DMC1: variants seen among roughly 807,000 people sequenced by gnomAD.
DMC1 encodes DNA meiotic recombinase 1.
In DMC1, 27 loss-of-function variants were observed where a neutral mutation model predicts 50.1. The ratio of observed to expected loss-of-function variants is 0.54; its 90% CI spans 0.40 to 0.74. DMC1 has a LOEUF of 0.74. Ranked by LOEUF, DMC1 falls within the 30% of genes least tolerant of loss-of-function variation. The pLI is 0.00. For synonymous variants in DMC1, 148 were observed against 136.1 expected (o/e 1.09, Z -0.61); for missense variants, 295 against 420.2 (o/e 0.70, Z 2.60).
At chr22:38,530,448 A>T (rs765268477) in intron 12 of DMC1, among the ~76,000 whole-genome samples, 1 of 152,024 alleles carries the variant, frequency 6.6e-6, no homozygotes, top group African/African-American at 2.4e-5. Context: ...CATTTTAAAG[A>T]TGGAATTCTG....
intron 12 of DMC1, among the ~76,000 whole-genome samples, chr22:38,535,437 C>CACAT (rs2090200609): frequency 1.3e-5 from 2 of 151,854 alleles, no homozygotes; most frequent in Non-Finnish European, 2.9e-5. Flanking sequence ...CACACACACA[C>CACAT]ATACAGGAGA....
At position 38,519,079 on chromosome 22, in the gene DMC1, T is replaced by G. The variant is rs2089996445; in HGVS notation, c.*941A>C. 6.7e-6 allele frequency: 1 copy of G among 148,414 alleles called. No homozygotes were observed. Among genetic ancestry groups the G allele is most frequent in the South Asian group, 2.1e-4 (1 of 4,756 alleles). 9.2% of individuals were successfully genotyped at this position (148,414 alleles called of 1,614,324 possible). A position where few individuals can be genotyped will look rare whatever the true frequency, so the allele number is the denominator to read the frequency against. ...TTTAAAAAAGTTTTTTTTTTTTTTT[T>G]GAGACGGAGTCTCACTCTGTCACCT... On this transcript the variant is annotated 3_prime_UTR_variant, in exon 14 of 14. Transcript: ENST00000216024.
Position 38,519,887 on chromosome 22 carries a change from A to T in DMC1, c.*133T>A. The T allele has an allele frequency of 1.4e-6, 1 of 702,100 alleles. No homozygotes were observed. The highest frequency in any genetic ancestry group is 2.6e-6 in the Non-Finnish European group (1 of 390,092). 43.5% of individuals were successfully genotyped at this position (702,100 alleles called of 1,614,324 possible). On this transcript the variant is annotated 3_prime_UTR_variant, in exon 14 of 14. Transcript: ENST00000216024. ...GACTTTTAAGATAAATATAAGATTT[A>T]AATCTCTTTGCTGACTTTTCTTTAG... is the stretch of plus-strand genomic sequence containing the variant.
intron 3 of DMC1, 130 bp downstream of exon 3, chr22:38,567,453 G>GTTGCAAA (rs2090591485): frequency 6.4e-6 from 5 of 787,396 alleles, no homozygotes; most frequent in Non-Finnish European, 1.1e-5. Flanking sequence ...GGCCAAGGAT[G>GTTGCAAA]TTGCAAACAC....
chr22:38,554,757 TA>T (rs1172959110), intron 6 of DMC1, among the ~76,000 whole-genome samples: 1 of 151,548 alleles, frequency 6.6e-6, no homozygotes, highest in East Asian at 1.9e-4. Flanking sequence ...TGCCTAGAAA[TA>T]AAATCAGCCT....
intron 5 of DMC1, among the ~76,000 whole-genome samples, chr22:38,556,029 A>G (rs2090466052): frequency 6.6e-6 from 1 of 152,032 alleles, no homozygotes. Context: ...ATGGGGTTTC[A>G]CCATATTGGC....
intron 8 of DMC1, among the ~76,000 whole-genome samples, chr22:38,544,374 G>C (rs942208203): frequency 5.3e-5 from 8 of 152,142 alleles, no homozygotes; most frequent in Non-Finnish European, 8.8e-5. Flanking sequence ...AAACTCAAAA[G>C]AATGCAACCA....
chr22:38,522,513 GATC>G (rs1180255515), intron 12 of DMC1, among the ~76,000 whole-genome samples: 1 of 152,008 alleles, frequency 6.6e-6, no homozygotes, highest in East Asian at 2.0e-4. Context: ...AGTTAGCTGA[GATC>G]AGCCACTGCA....
At chr22:38,522,204 G>A (rs1383512615) in intron 12 of DMC1, among the ~76,000 whole-genome samples, 2 of 150,824 alleles carry the variant, frequency 1.3e-5, no homozygotes, top group Non-Finnish European at 3.0e-5. Flanking sequence ...GCCCGCCTGG[G>A]CCTCCCAAAG....
chr22:38,558,846 C>T (rs1355228800), intron 5 of DMC1, among the ~76,000 whole-genome samples: 20 of 152,118 alleles, frequency 1.3e-4, no homozygotes, highest in Admixed American at 1.3e-3. Flanking sequence ...TCTTAGACCA[C>T]CATGTGGTAG....
intron 5 of DMC1, 78 bp from the exon 6 acceptor site, chr22:38,555,487 G>C: frequency 1.1e-6 from 1 of 924,128 alleles, no homozygotes; most frequent in Non-Finnish European, 1.8e-6. Context: ...CATATCATTA[G>C]TATCCTTCCT....
At chr22:38,540,443 T>C (rs550734417) in intron 8 of DMC1, among the ~76,000 whole-genome samples, 9 of 152,358 alleles carry the variant, frequency 5.9e-5, no homozygotes, top group African/African-American at 2.2e-4. Context: ...CACTTATACC[T>C]ATAAACTATA....
In DMC1 at chr22:38,519,891, C is replaced by G. The variant is rs879525886; in HGVS notation, c.*129G>C. The G allele has an allele frequency of 2.5e-5, 18 of 717,562 alleles. No individual in the cohort carries two copies. The Admixed American group carries it at 3.6e-4, about 15-fold the overall frequency. The allele number at this position is 717,562 out of a possible 1,614,324, so 44.4% of individuals were successfully genotyped here. A position where few individuals can be genotyped will look rare whatever the true frequency, so the allele number is the denominator to read the frequency against. ...TTTAAGATAAATATAAGATTTAAAT[C>G]TCTTTGCTGACTTTTCTTTAGTAAC... On this transcript the variant is annotated 3_prime_UTR_variant, in exon 14 of 14. Coordinates refer to ENST00000216024, the MANE Select transcript of DMC1 (RefSeq NM_007068.4).
chr22:38,557,953 G>GTTTTTTTTTTTT (rs1555940699), intron 5 of DMC1, among the ~76,000 whole-genome samples: 5 of 94,970 alleles, frequency 5.3e-5, no homozygotes, highest in East Asian at 3.3e-4. Context: ...ATTAGACAAA[G>GTTTTTTTTTTTT]TTCTTTTTTT....
intron 4 of DMC1, among the ~76,000 whole-genome samples, chr22:38,565,734 G>A (rs1342511734): frequency 2.6e-5 from 4 of 152,200 alleles, no homozygotes; most frequent in Admixed American, 2.6e-4. Context: ...ATCAGTATGG[G>A]TTAGCTTAGC....
chr22:38,531,171 G>C (rs1435221581), intron 12 of DMC1, among the ~76,000 whole-genome samples: 1 of 152,182 alleles, frequency 6.6e-6, no homozygotes, highest in East Asian at 1.9e-4. Flanking sequence ...AATGAAGTAG[G>C]TGGCAACATC....
the DMC1 span, among the ~76,000 whole-genome samples, chr22:38,512,162 A>C: frequency 1.3e-5 from 2 of 151,996 alleles, 1 homozygote; most frequent in South Asian, 4.1e-4. Flanking sequence ...TTTAGTAGAG[A>C]TGAGATTTCA....
rs1330622510 is a variant in DMC1, at chr22:38,537,668, A to C, written c.776-16T>G. 1.2e-6 allele frequency: 2 copies of C among 1,609,626 alleles called. No individual in the cohort carries two copies. The highest frequency in any genetic ancestry group is 2.2e-5 in the South Asian group (2 of 90,960). ...ACGTTATATTCTGCATCAAGAGATA[A>C]AATTTTAAAACTATGAGAAAGGCAA... On this transcript the variant is annotated splice_polypyrimidine_tract_variant and intron_variant, in intron 11 of 13. Transcript: ENST00000216024.
intron 12 of DMC1, among the ~76,000 whole-genome samples, chr22:38,536,699 C>T (rs949659215): frequency 1.3e-5 from 2 of 152,052 alleles, no homozygotes; most frequent in African/African-American, 4.8e-5. Context: ...TCTTATTGTC[C>T]TCCCATACCC....
Sources: allele counts gnomAD v4.1 joint callset (sites outside exome capture counted in the v4.1 genomes callset), GRCh38; gene constraint gnomAD v4.1.1; transcripts MANE v1.5; gene names NCBI Gene and HGNC (gene_info 2026-07-23, HGNC 2026-07-21).